IPO11: variants seen among roughly 807,000 people sequenced by gnomAD.
IPO11 encodes importin-11.
In IPO11, 66 loss-of-function variants were observed where a neutral mutation model predicts 143.2. The ratio of observed to expected loss-of-function variants is 0.46; its 90% confidence interval spans 0.38 to 0.57. The LOEUF (loss-of-function observed/expected upper bound fraction) is 0.57. Ranked by LOEUF, IPO11 falls within the 20% of genes least tolerant of loss-of-function variation. The pLI is 0.00. For synonymous variants in IPO11, 385 were observed against 377.8 expected, an observed-to-expected ratio of 1.02 and a Z score of -0.22; for missense variants, 1,026 against 1,141.0, an observed-to-expected ratio of 0.90 and a Z score of 1.45.
chr5:62,468,082 G>C (rs1161883092), intron 6 of IPO11, among the ~76,000 whole-genome samples: 3 of 151,996 alleles, frequency 2.0e-5, no homozygotes, highest in Non-Finnish European at 2.9e-5. Context: ...TGAGTAACTG[G>C]GACTACAGGC....
At chr5:62,545,083 A>T (rs1432208734) in intron 24 of IPO11, among the ~76,000 whole-genome samples, 1 of 152,182 alleles carries the variant, frequency 6.6e-6, no homozygotes, top group Non-Finnish European at 1.5e-5. Flanking sequence ...TCTTCACAGA[A>T]TTGGAAAAAA....
chr5:62,600,026 T>A (rs1213694467), intron 28 of IPO11, among the ~76,000 whole-genome samples: 2 of 152,156 alleles, frequency 1.3e-5, no homozygotes, highest in African/African-American at 4.8e-5. Context: ...CTAATATTAA[T>A]GTGATAAATC....
chr5:62,516,574 A>C (rs190402023), intron 20 of IPO11, among the ~76,000 whole-genome samples: 1 of 152,136 alleles, frequency 6.6e-6, no homozygotes, highest in South Asian at 2.1e-4. Context: ...GATTACAGGC[A>C]TGAGCCACCA....
intron 16 of IPO11, among the ~76,000 whole-genome samples, chr5:62,497,091 T>G (rs2112247818): frequency 6.6e-6 from 1 of 152,364 alleles, no homozygotes; most frequent in Non-Finnish European, 1.5e-5. Flanking sequence ...AGGGCTGCTG[T>G]TAAGGAATCG....
At chr5:62,475,787 C>T (rs1272461162) in intron 8 of IPO11, among the ~76,000 whole-genome samples, 2 of 152,244 alleles carry the variant, frequency 1.3e-5, no homozygotes, top group Admixed American at 1.3e-4. Context: ...TTATTCACTA[C>T]CCCATGTGAG....
intron 24 of IPO11, among the ~76,000 whole-genome samples, chr5:62,539,842 A>C (rs1330247543): frequency 1.2e-4 from 18 of 152,214 alleles, no homozygotes; most frequent in Admixed American, 7.2e-4. Context: ...TTTCAGCTTC[A>C]GCTTTTGCTT....
chr5:62,480,848 G>T (rs1392142159), intron 9 of IPO11, among the ~76,000 whole-genome samples: 1 of 150,084 alleles, frequency 6.7e-6, no homozygotes, highest in Non-Finnish European at 1.5e-5. Context: ...AGATGATGGG[G>T]TTTTCTAAAT....
chr5:62,541,153 C>T (rs1742921734), intron 24 of IPO11, among the ~76,000 whole-genome samples: 1 of 152,012 alleles, frequency 6.6e-6, no homozygotes, highest in Admixed American at 6.5e-5. Flanking sequence ...GGGCGGATCA[C>T]CTGAGGTTGG....
intron 29 of IPO11, among the ~76,000 whole-genome samples, chr5:62,607,509 A>G (rs1442625197): frequency 6.6e-6 from 1 of 152,172 alleles, no homozygotes; most frequent in Non-Finnish European, 1.5e-5. Context: ...CTGATAAGGT[A>G]CTGTGTTGTT....
chr5:62,548,060 AGG>A (rs1275069251), intron 24 of IPO11, among the ~76,000 whole-genome samples: 4,149 of 152,142 alleles, frequency 0.027, 187 homozygotes, highest in African/African-American at 0.092. Context: ...TGTTAATTGT[AGG>A]CAGTATGTAT....
At chr5:62,581,967 G>A (rs778053169) in intron 27 of IPO11, among the ~76,000 whole-genome samples, 6 of 152,128 alleles carry the variant, frequency 3.9e-5, no homozygotes, top group South Asian at 2.1e-4. Context: ...CGTGTCAGAG[G>A]GGTTAACAGA....
chr5:62,429,172 C>T (rs1002687951), intron 1 of IPO11, among the ~76,000 whole-genome samples: 1 of 152,120 alleles, frequency 6.6e-6, no homozygotes, highest in Non-Finnish European at 1.5e-5. Flanking sequence ...CCACATTTCC[C>T]CCCAATTCCC....
At chr5:62,518,599 G>A (rs1321580277) in intron 20 of IPO11, among the ~76,000 whole-genome samples, 1 of 152,156 alleles carries the variant, frequency 6.6e-6, no homozygotes, top group Non-Finnish European at 1.5e-5. Flanking sequence ...GGGTGACAGA[G>A]TGAGACCCTG....
chr5:62,608,538 A>G (rs904096206), intron 29 of IPO11, among the ~76,000 whole-genome samples: 1 of 152,196 alleles, frequency 6.6e-6, no homozygotes, highest in African/African-American at 2.4e-5. Flanking sequence ...TTCACTGGCT[A>G]AACCAAATGA....
chr5:62,540,040 T>C (rs1173378864), intron 24 of IPO11, among the ~76,000 whole-genome samples: 1 of 152,220 alleles, frequency 6.6e-6, no homozygotes, highest in Non-Finnish European at 1.5e-5. Context: ...TTAACCTTTC[T>C]CCTCTATTAT....
intron 26 of IPO11, among the ~76,000 whole-genome samples, chr5:62,555,935 C>T (rs944848862): frequency 6.6e-6 from 1 of 152,112 alleles, no homozygotes; most frequent in Admixed American, 6.6e-5. Context: ...CTGGCATAAG[C>T]CACTGTGCCC....
intron 27 of IPO11, chr5:62,579,804 CT>C (rs1380985790): frequency 6.5e-7 from 1 of 1,545,040 alleles, no homozygotes; most frequent in African/African-American, 1.4e-5. Flanking sequence ...TCATCAAACG[CT>C]TAGATCCTGG....
chr5:62,479,142 T>C (rs189867522), intron 9 of IPO11, among the ~76,000 whole-genome samples: 6 of 152,198 alleles, frequency 3.9e-5, no homozygotes, highest in African/African-American at 1.4e-4. Flanking sequence ...TGTGTCCAAG[T>C]GTTCTCATTG....
At chr5:62,589,092 C>T (rs1744918365) in intron 27 of IPO11, among the ~76,000 whole-genome samples, 1 of 152,116 alleles carries the variant, frequency 6.6e-6, no homozygotes, top group Non-Finnish European at 1.5e-5. Flanking sequence ...TGTTATGATC[C>T]CACTTCATCC....
Sources: allele counts gnomAD v4.1 joint callset (sites outside exome capture counted in the v4.1 genomes callset), GRCh38; gene constraint gnomAD v4.1.1; transcripts MANE v1.5; gene names NCBI Gene and HGNC (gene_info 2026-07-23, HGNC 2026-07-21).